The following NTM variants were observed in gnomAD, a reference collection of about 807,000 sequenced individuals.
NTM encodes IgLON family member 2.
A neutral mutation model predicts 42.1 loss-of-function variants in NTM; 13 were observed. That is an observed-to-expected ratio of 0.31 (90% CI 0.20 to 0.49). NTM has a LOEUF of 0.49. Ranked by LOEUF, NTM falls within the 20% of genes least tolerant of loss-of-function variation. The probability of loss-of-function intolerance (pLI) is 0.99; values close to 1 mark genes in which losing one functional copy is unlikely to be tolerated. For missense variants in NTM, 373 were observed against 452.8 expected, an observed-to-expected ratio of 0.82 and a Z score of 1.60; for synonymous variants, 187 against 179.2, an observed-to-expected ratio of 1.04 and a Z score of -0.35.
At chr11:131,911,715 A>G in intron 2 of NTM, 67 bp downstream of exon 2, 2 of 1,596,160 alleles carry the variant, frequency 1.3e-6, no homozygotes, top group Non-Finnish European at 1.7e-6. Flanking sequence ...GCAGGGGTGC[A>G]GGTGTGTGCA....
chr11:131,676,214 G>A (rs113340963), intron 1 of NTM, among the ~76,000 whole-genome samples: 4,859 of 152,284 alleles, frequency 0.032, 263 homozygotes, highest in African/African-American at 0.11. Context: ...AAACTGAAAA[G>A]GGAGGCTTTG....
intron 2 of NTM, among the ~76,000 whole-genome samples, chr11:132,037,694 CTG>C (rs1007803577): frequency 4.6e-5 from 7 of 152,180 alleles, no homozygotes; most frequent in African/African-American, 1.4e-4. Flanking sequence ...TGATGGAATG[CTG>C]TGAGTCATTA....
At chr11:132,316,951 A>G (rs974604351) in intron 7 of NTM, among the ~76,000 whole-genome samples, 1 of 152,226 alleles carries the variant, frequency 6.6e-6, no homozygotes, top group Non-Finnish European at 1.5e-5. Flanking sequence ...TTGCGAATAT[A>G]CAAACTTCTT....
intron 2 of NTM, among the ~76,000 whole-genome samples, chr11:131,954,105 G>T (rs563305778): frequency 2.6e-5 from 4 of 152,178 alleles, no homozygotes; most frequent in Non-Finnish European, 5.9e-5. Flanking sequence ...TGTGATTTAT[G>T]GTAAGCCCTC....
intron 1 of NTM, among the ~76,000 whole-genome samples, chr11:131,621,330 C>A (rs1407285448): frequency 3.3e-5 from 5 of 152,122 alleles, no homozygotes; most frequent in Non-Finnish European, 7.4e-5. Flanking sequence ...TGTAAAGCAT[C>A]ACTTTTTTTG....
intron 4 of NTM, among the ~76,000 whole-genome samples, chr11:132,298,182 A>G (rs566388354): frequency 6.8e-4 from 103 of 152,326 alleles, no homozygotes; most frequent in Non-Finnish European, 9.3e-4. Context: ...GTACTGGCTT[A>G]TATCTCCAGT....
At chr11:131,509,197 T>C (rs535682160) in intron 1 of NTM, among the ~76,000 whole-genome samples, 7 of 152,250 alleles carry the variant, frequency 4.6e-5, no homozygotes, top group Middle Eastern at 3.4e-3. Context: ...TCACACTACC[T>C]CAGATGGAAA....
At chr11:131,598,672 C>CG (rs1373967718) in intron 1 of NTM, among the ~76,000 whole-genome samples, 2 of 145,830 alleles carry the variant, frequency 1.4e-5, no homozygotes, top group Non-Finnish European at 3.0e-5. Flanking sequence ...CTACTACTCT[C>CG]TTCTCATTTG....
intron 2 of NTM, among the ~76,000 whole-genome samples, chr11:131,943,922 GAA>G (rs5795749): frequency 3.9e-4 from 59 of 150,962 alleles, no homozygotes; most frequent in African/African-American, 1.1e-3. Context: ...TTTCTAAAAG[GAA>G]AAAAAAAAAT....
intron 3 of NTM, among the ~76,000 whole-genome samples, chr11:132,185,953 C>A (rs1052644508): frequency 1.3e-5 from 2 of 152,214 alleles, no homozygotes; most frequent in African/African-American, 2.4e-5. Flanking sequence ...TCATCCTAAT[C>A]AGAAATAACT....
intron 2 of NTM, among the ~76,000 whole-genome samples, chr11:131,922,439 G>C (rs1218528412): frequency 6.6e-6 from 1 of 152,148 alleles, no homozygotes; most frequent in Non-Finnish European, 1.5e-5. Flanking sequence ...TTGACGCAAG[G>C]CCCACTGGAC....
At chr11:131,774,400 C>G (rs922977302) in intron 1 of NTM, among the ~76,000 whole-genome samples, 3 of 152,124 alleles carry the variant, frequency 2.0e-5, no homozygotes, top group African/African-American at 7.2e-5. Context: ...TCTTAGGGAG[C>G]TGGAAAAATC....
chr11:132,130,787 T>G (rs1202736082), intron 2 of NTM, among the ~76,000 whole-genome samples: 1 of 152,198 alleles, frequency 6.6e-6, no homozygotes, highest in Non-Finnish European at 1.5e-5. Context: ...AGGCTCTTCA[T>G]GGATCCCCAC....
At chr11:132,124,286 C>G (rs2065311213) in intron 2 of NTM, among the ~76,000 whole-genome samples, 1 of 152,072 alleles carries the variant, frequency 6.6e-6, no homozygotes, top group South Asian at 2.1e-4. Flanking sequence ...GGGGCCCTGC[C>G]CTCCCTGAGA....
chr11:131,633,632 TCTGCCTCTCTCTCC>T (rs2063918202), intron 1 of NTM, among the ~76,000 whole-genome samples: 3 of 102,516 alleles, frequency 2.9e-5, no homozygotes, highest in Non-Finnish European at 4.3e-5. Context: ...TCTCTCTATC[TCTGCCTCTCTCTCC>T]CTCTCTCTCC....
intron 2 of NTM, among the ~76,000 whole-genome samples, chr11:132,135,303 T>C (rs1033402522): frequency 3.9e-5 from 6 of 152,328 alleles, no homozygotes; most frequent in African/African-American, 1.2e-4. Context: ...CCTCCATCTT[T>C]CTAGCACCTT....
chr11:131,925,783 G>A (rs2057864536), intron 2 of NTM, among the ~76,000 whole-genome samples: 1 of 152,160 alleles, frequency 6.6e-6, no homozygotes, highest in Middle Eastern at 3.2e-3. Context: ...GGAAGAGGCT[G>A]AGCCAGAGTT....
At chr11:131,581,762 CCTCCCATGCA>C (rs1053805052) in intron 1 of NTM, among the ~76,000 whole-genome samples, 2 of 152,126 alleles carry the variant, frequency 1.3e-5, no homozygotes, top group Admixed American at 6.5e-5. Context: ...CCTAAAATGG[CCTCCCATGCA>C]CTTTGTTTAA....
chr11:131,744,463 A>G (rs1435182074), intron 1 of NTM, among the ~76,000 whole-genome samples: 1 of 152,178 alleles, frequency 6.6e-6, no homozygotes, highest in African/African-American at 2.4e-5. Flanking sequence ...AATGACTGTC[A>G]TTAGAAGCAA....
Sources: gnomAD v4.1 joint callset for allele counts (sites outside exome capture counted in the v4.1 genomes callset) on GRCh38, gnomAD v4.1.1 for gene constraint, MANE v1.5 for transcripts, NCBI Gene and HGNC (gene_info 2026-07-23, HGNC 2026-07-21) for gene names.